PDE10A: variants seen among roughly 807,000 people sequenced by gnomAD.
PDE10A encodes the protein phosphodiesterase 10A.
Under a neutral mutation model 97.7 loss-of-function variants are expected in PDE10A, and 39 were observed. The observed-to-expected ratio is 0.40, with a 90% confidence interval of 0.31 to 0.52. The LOEUF (loss-of-function observed/expected upper bound fraction) is 0.52, where lower values mean the gene tolerates loss of function less well. Ranked by LOEUF, PDE10A falls within the 20% of genes least tolerant of loss-of-function variation. The pLI is 0.56. For missense variants in PDE10A, 731 were observed against 1,047.8 expected (o/e 0.70, Z 4.17); for synonymous variants, 371 against 376.8 (o/e 0.98, Z 0.18).
intron 1 of PDE10A, among the ~76,000 whole-genome samples, chr6:165,852,742 C>G (rs1280217885): frequency 6.6e-6 from 1 of 152,184 alleles, no homozygotes. Context: ...GGGTGAGATA[C>G]AGCTGCAGCT....
intron 21 of PDE10A, among the ~76,000 whole-genome samples, chr6:165,334,894 T>A (rs982771212): frequency 6.6e-6 from 1 of 151,954 alleles, no homozygotes; most frequent in Non-Finnish European, 1.5e-5. Flanking sequence ...AGAAAAAAAA[T>A]TTCAACAGCA....
intron 1 of PDE10A, among the ~76,000 whole-genome samples, chr6:165,677,009 G>C (rs933656893): frequency 6.6e-6 from 1 of 152,196 alleles, no homozygotes; most frequent in South Asian, 2.1e-4. Flanking sequence ...GCAAAATCTT[G>C]CTTGAATGAT....
intron 1 of PDE10A, among the ~76,000 whole-genome samples, chr6:165,957,855 T>C (rs1784182179): frequency 6.6e-6 from 1 of 152,132 alleles, no homozygotes; most frequent in East Asian, 1.9e-4. Context: ...TTGAAACAAT[T>C]GTGTTTGGGG....
At chr6:165,471,757 C>T (rs1779024323) in intron 3 of PDE10A, among the ~76,000 whole-genome samples, 1 of 152,120 alleles carries the variant, frequency 6.6e-6, no homozygotes, top group Non-Finnish European at 1.5e-5. Flanking sequence ...CAAGCATTTT[C>T]CCCTACCTCC....
intron 5 of PDE10A, among the ~76,000 whole-genome samples, chr6:165,438,950 C>T (rs572805156): frequency 1.6e-5 from 2 of 127,638 alleles, no homozygotes; most frequent in Admixed American, 8.4e-5. Flanking sequence ...AGAGTGAGAC[C>T]CTGCTTAAAA....
intron 1 of PDE10A, among the ~76,000 whole-genome samples, chr6:165,840,207 A>C: frequency 3.6e-5 from 5 of 138,250 alleles, no homozygotes; most frequent in Admixed American, 7.3e-5. Context: ...CCCCATCCCC[A>C]CCTCCACCCT....
chr6:165,840,217 T>C (rs1780223702), intron 1 of PDE10A, among the ~76,000 whole-genome samples: 1 of 141,546 alleles, frequency 7.1e-6, no homozygotes. Flanking sequence ...ACCTCCACCC[T>C]TATCTACATG....
chr6:165,637,089 G>C (rs890499547), intron 1 of PDE10A, among the ~76,000 whole-genome samples: 2 of 152,002 alleles, frequency 1.3e-5, no homozygotes, highest in East Asian at 3.9e-4. Context: ...ATGAACAAGG[G>C]TACTATTATT....
At chr6:165,816,541 C>T (rs543689388) in intron 1 of PDE10A, among the ~76,000 whole-genome samples, 10 of 152,168 alleles carry the variant, frequency 6.6e-5, no homozygotes, top group African/African-American at 9.7e-5. Flanking sequence ...CCAATAAGAA[C>T]GGGGGCCTTG....
chr6:165,558,582 A>T (rs944362041), intron 1 of PDE10A, among the ~76,000 whole-genome samples: 1 of 152,194 alleles, frequency 6.6e-6, no homozygotes, highest in Non-Finnish European at 1.5e-5. Context: ...GCTCGCAAAT[A>T]TACCTTCTTA....
At chr6:165,747,572 T>C (rs1227566998) in intron 1 of PDE10A, among the ~76,000 whole-genome samples, 2 of 151,314 alleles carry the variant, frequency 1.3e-5, no homozygotes, top group Admixed American at 1.3e-4. Context: ...AAGTCTGTGC[T>C]GAAAATGATC....
chr6:165,987,764 T>G lies in PDE10A; in HGVS notation c.-850A>C, dbSNP rs755872906. ...CGCTCAGCAGGCAGATTCCAAAGGC[T>G]TGGGGCACTCTGGGGTGCGCGCCGA... On this transcript the variant is annotated 5_prime_UTR_variant, in exon 1 of 20. Transcript: ENST00000366882. 11 of 455,760 alleles carry G rather than the reference T, an allele frequency of 2.4e-5. 1 individual carries two copies. Among genetic ancestry groups the G allele is most frequent in the South Asian group, 1.7e-4 (11 of 64,396 alleles). The allele number at this position is 455,760 out of a possible 1,614,324, so 28.2% of individuals were successfully genotyped here. A position where few individuals can be genotyped will look rare whatever the true frequency, so the allele number is the denominator to read the frequency against.
intron 1 of PDE10A, among the ~76,000 whole-genome samples, chr6:165,802,245 T>C (rs1779004391): frequency 6.6e-6 from 1 of 152,196 alleles, no homozygotes; most frequent in African/African-American, 2.4e-5. Flanking sequence ...AGGTTCACTT[T>C]CTTCCCACAT....
chr6:165,808,643 C>T (rs1268208135), intron 1 of PDE10A, among the ~76,000 whole-genome samples: 1 of 152,204 alleles, frequency 6.6e-6, no homozygotes, highest in African/African-American at 2.4e-5. Context: ...TCATATCTTA[C>T]ATTTTTTGGT....
At chr6:165,710,316 G>A (rs988994279) in intron 1 of PDE10A, among the ~76,000 whole-genome samples, 1 of 152,162 alleles carries the variant, frequency 6.6e-6, no homozygotes, top group Non-Finnish European at 1.5e-5. Flanking sequence ...CATAGCAGGG[G>A]CAAAAACATA....
chr6:165,663,797 A>T (rs1790416360), upstream of PDE10A, among the ~76,000 whole-genome samples: 1 of 152,206 alleles, frequency 6.6e-6, no homozygotes, highest in African/African-American at 2.4e-5. Context: ...AGACTGTGCG[A>T]TCATTGCCCC....
chr6:165,392,007 T>C (rs1785757379), intron 16 of PDE10A, among the ~76,000 whole-genome samples: 1 of 152,182 alleles, frequency 6.6e-6, no homozygotes. Context: ...GAGGGAGGGA[T>C]ATCCTTCAAA....
intron 2 of PDE10A, among the ~76,000 whole-genome samples, chr6:165,536,363 A>G (rs1327180398): frequency 2.6e-5 from 4 of 152,044 alleles, no homozygotes; most frequent in Non-Finnish European, 4.4e-5. Flanking sequence ...GCTACCAGAA[A>G]AAAACATTGG....
In PDE10A at chr6:165,938,982, G is replaced by A. The variant is rs1385201153; in HGVS notation, c.-615+48547C>T. On this transcript the variant is annotated intron_variant, in intron 1 of 19. Transcript: ENST00000366882. ...TCAAAAAACTGGAAATAACATAAGT[G>A]TCCATCAATAGGAGAATGGCTGAAT... Among the ~76,000 whole-genome samples, 7 of 152,306 alleles carry A rather than the reference G, an allele frequency of 4.6e-5. No individual in the cohort carries two copies. The East Asian group carries it at 1.2e-3, about 25-fold the overall frequency.
Sources: gnomAD v4.1 joint callset for allele counts (sites outside exome capture counted in the v4.1 genomes callset) on GRCh38, gnomAD v4.1.1 for gene constraint, MANE v1.5 for transcripts, NCBI Gene and HGNC (gene_info 2026-07-23, HGNC 2026-07-21) for gene names.